Variants in CERS6 observed in about 807,000 individuals in gnomAD.
CERS6 encodes ceramide synthase 6.
CERS6 carries 26 observed loss-of-function variants against 56.8 expected under a neutral mutation model. The observed-to-expected ratio is 0.46, with a 90% confidence interval of 0.34 to 0.63. The LOEUF (loss-of-function observed/expected upper bound fraction) is 0.63, where lower values mean the gene tolerates loss of function less well. CERS6 is among the 30% of genes least tolerant of loss of function. The probability of loss-of-function intolerance (pLI) is 0.01; values close to 1 mark genes in which losing one functional copy is unlikely to be tolerated. For synonymous variants in CERS6, 164 were observed against 173.3 expected (o/e 0.95, Z 0.42); for missense variants, 415 against 467.5 (o/e 0.89, Z 1.04).
chr2:168,753,990 T>A (rs1215495653), intron 8 of CERS6, among the ~76,000 whole-genome samples: 1 of 152,074 alleles, frequency 6.6e-6, no homozygotes, highest in Non-Finnish European at 1.5e-5. Context: ...AAGGAGTTGG[T>A]GTGGCTTGAT....
chr2:168,718,297 TGGTG>T (rs1357518644), intron 8 of CERS6, among the ~76,000 whole-genome samples: 1 of 152,148 alleles, frequency 6.6e-6, no homozygotes, highest in Non-Finnish European at 1.5e-5. Context: ...AAAGAAACCG[TGGTG>T]TTGCAAACAA....
chr2:168,489,377 T>C (rs1255880486), intron 1 of CERS6, among the ~76,000 whole-genome samples: 2 of 152,092 alleles, frequency 1.3e-5, no homozygotes, highest in Non-Finnish European at 2.9e-5. Flanking sequence ...GCTTATTCTG[T>C]TTGGGGTTTG....
chr2:168,659,644 TAGTTATA>T (rs1239692206), intron 4 of CERS6, among the ~76,000 whole-genome samples: 1 of 152,202 alleles, frequency 6.6e-6, no homozygotes, highest in Non-Finnish European at 1.5e-5. Context: ...TACCTTATCT[TAGTTATA>T]ACACCCGTTT....
At chr2:168,637,213 C>G (rs1684880198) in intron 4 of CERS6, among the ~76,000 whole-genome samples, 2 of 152,174 alleles carry the variant, frequency 1.3e-5, no homozygotes, top group African/African-American at 4.8e-5. Flanking sequence ...CACGGTGGCT[C>G]ACGCCTGTAA....
intron 4 of CERS6, among the ~76,000 whole-genome samples, chr2:168,659,708 A>G (rs899676662): frequency 1.3e-5 from 2 of 150,754 alleles, no homozygotes; most frequent in African/African-American, 4.9e-5. Flanking sequence ...TTTTTTTTTT[A>G]ATCACCTAAG....
chr2:168,659,213 G>A (rs571913597), intron 4 of CERS6, among the ~76,000 whole-genome samples: 1 of 152,234 alleles, frequency 6.6e-6, no homozygotes, highest in South Asian at 2.1e-4. Context: ...CCTTCAGTTT[G>A]TCACTACCTT....
chr2:168,733,473 A>G lies in CERS6; in HGVS notation c.845+15495A>G, dbSNP rs112835091. On this transcript the variant is annotated intron_variant, in intron 8 of 9. Transcript: ENST00000305747. ...ATGTTAACACTGTTCCCAGTATGCA[A>G]TGACAACTTGCTGCTCCTTATTGCT... Among the ~76,000 whole-genome samples, 983 of 152,292 alleles carry G rather than the reference A, an allele frequency of 6.5e-3. 12 individuals carry two copies. The highest frequency in any genetic ancestry group is 0.023 in the African/African-American group (946 of 41,548).
At chr2:168,519,626 A>G (rs771743140) in intron 1 of CERS6, among the ~76,000 whole-genome samples, 7 of 152,148 alleles carry the variant, frequency 4.6e-5, no homozygotes, top group Non-Finnish European at 8.8e-5. Context: ...TTTTCTGAGA[A>G]CATGCAGTAT....
At chr2:168,714,873 T>A in intron 6 of CERS6, 128 bp from the exon 7 acceptor site, 1 of 761,584 alleles carries the variant, frequency 1.3e-6, no homozygotes, top group Non-Finnish European at 2.1e-6. Context: ...TATACGTTAT[T>A]CATACCTTAT....
intron 8 of CERS6, among the ~76,000 whole-genome samples, chr2:168,764,367 C>G (rs1290377753): frequency 6.6e-6 from 1 of 152,126 alleles, no homozygotes; most frequent in Non-Finnish European, 1.5e-5. Context: ...TGGTCTCAAT[C>G]TCCTGACCTC....
chr2:168,516,772 AAGCCTC>A (rs1447894067), intron 1 of CERS6, among the ~76,000 whole-genome samples: 1 of 152,174 alleles, frequency 6.6e-6, no homozygotes, highest in Non-Finnish European at 1.5e-5. Context: ...CCCATGTGTG[AAGCCTC>A]TACCTTTTCT....
intron 8 of CERS6, among the ~76,000 whole-genome samples, chr2:168,725,690 C>T (rs1683330825): frequency 6.6e-6 from 1 of 152,204 alleles, no homozygotes. Context: ...TATTCAAAAG[C>T]TTCAATGGTA....
chr2:168,499,740 G>A (rs1037017979), intron 1 of CERS6, among the ~76,000 whole-genome samples: 2 of 152,080 alleles, frequency 1.3e-5, no homozygotes, highest in Non-Finnish European at 2.9e-5. Context: ...GCTGCAATAC[G>A]TTTTGTGGTT....
At position 168,641,570 on chromosome 2, in the gene CERS6, T is replaced by C. The variant is rs181336811; in HGVS notation, c.465+10528T>C. ...CTAAAACCTACCGGCCCAGGTTCTT[T>C]GTGGATCCCCTCACCATTGAACACC... On this transcript the variant is annotated intron_variant, in intron 4 of 9. Transcript: ENST00000305747. Among the ~76,000 whole-genome samples the C allele has an allele frequency of 6.7e-4, 102 of 152,330 alleles. 1 individual carries two copies. Among genetic ancestry groups the C allele is most frequent in the African/African-American group, 2.3e-3 (96 of 41,580 alleles).
chr2:168,619,776 C>T (rs1208513173), intron 3 of CERS6, among the ~76,000 whole-genome samples: 2 of 151,642 alleles, frequency 1.3e-5, no homozygotes, highest in Non-Finnish European at 2.9e-5. Flanking sequence ...CTATTATAGC[C>T]ACTATGGTAA....
At chr2:168,747,416 A>G (rs957738063) in intron 8 of CERS6, among the ~76,000 whole-genome samples, 5 of 152,106 alleles carry the variant, frequency 3.3e-5, no homozygotes, top group Admixed American at 2.0e-4. Flanking sequence ...TGGATTTTTA[A>G]TCATTTTTTA....
At chr2:168,466,022 T>G (rs1391186460) in intron 1 of CERS6, among the ~76,000 whole-genome samples, 4 of 152,208 alleles carry the variant, frequency 2.6e-5, no homozygotes, top group Middle Eastern at 3.4e-3. Context: ...TTTTTTTTTT[T>G]TTAACTGCTT....
chr2:168,732,158 C>T lies in CERS6; in HGVS notation c.845+14180C>T, dbSNP rs554962621. ...TTATTTCAAATTGTGTCTCCCCCATCCCATTAAAAAATTTAAGTAGATGTT... is the reference window on the plus strand; with the variant it reads ...TTATTTCAAATTGTGTCTCCCCCATTCCATTAAAAAATTTAAGTAGATGTT... On this transcript the variant is annotated intron_variant, in intron 8 of 9. Coordinates refer to ENST00000305747, the MANE Select transcript of CERS6 (RefSeq NM_203463.3). Among the ~76,000 whole-genome samples the T allele has an allele frequency of 1.4e-4, 22 of 152,252 alleles. No individual in the cohort carries two copies. In the South Asian group the frequency reaches 4.4e-3, roughly 30 times the overall value.
intron 4 of CERS6, among the ~76,000 whole-genome samples, chr2:168,656,069 T>G (rs1379708658): frequency 6.6e-6 from 1 of 152,234 alleles, no homozygotes; most frequent in Non-Finnish European, 1.5e-5. Flanking sequence ...CTTTGTGGGC[T>G]TGTTGCTCTT....
Sources: allele counts gnomAD v4.1 joint callset (sites outside exome capture counted in the v4.1 genomes callset), GRCh38; gene constraint gnomAD v4.1.1; transcripts MANE v1.5; gene names NCBI Gene and HGNC (gene_info 2026-07-23, HGNC 2026-07-21).